Variants in DNAH3 observed in about 807,000 individuals in gnomAD.
DNAH3 encodes the protein axonemal beta dynein heavy chain 3.
A neutral mutation model predicts 432.5 loss-of-function variants in DNAH3; 332 were observed. The observed-to-expected ratio is 0.77, with a 90% CI of 0.70 to 0.84. The LOEUF (loss-of-function observed/expected upper bound fraction) is 0.84. DNAH3 is among the 40% of genes least tolerant of loss of function. DNAH3 has a pLI of 0.00. For synonymous variants in DNAH3, 1,956 were observed against 1,900.2 expected (o/e 1.03, Z -0.76); for missense variants, 4,861 against 5,114.0 (o/e 0.95, Z 1.51).
At chr16:21,066,944 C>A (rs1237239332) in intron 24 of DNAH3, among the ~76,000 whole-genome samples, 1 of 152,172 alleles carries the variant, frequency 6.6e-6, no homozygotes, top group Non-Finnish European at 1.5e-5. Flanking sequence ...TGCTGGAGGC[C>A]TCAAGACCAC....
At chr16:20,936,407 C>T (rs1183940599) in intron 60 of DNAH3, among the ~76,000 whole-genome samples, 1 of 151,778 alleles carries the variant, frequency 6.6e-6, no homozygotes, top group East Asian at 1.9e-4. Context: ...CCGCCTGCCT[C>T]GGCCTCCCAG....
intron 7 of DNAH3, among the ~76,000 whole-genome samples, chr16:21,129,803 G>A (rs1274492701): frequency 6.6e-6 from 1 of 151,884 alleles, no homozygotes; most frequent in Non-Finnish European, 1.5e-5. Context: ...GGGGTAGCGG[G>A]GAGGTTTGTT....
intron 42 of DNAH3, among the ~76,000 whole-genome samples, chr16:21,001,448 T>C (rs560050793): frequency 1.3e-5 from 2 of 152,184 alleles, no homozygotes; most frequent in South Asian, 4.1e-4. Context: ...ATCATGTCAA[T>C]GGTGCCTTCT....
At chr16:21,004,460 C>CG (rs2152694210) in intron 41 of DNAH3, among the ~76,000 whole-genome samples, 1 of 152,156 alleles carries the variant, frequency 6.6e-6, no homozygotes, top group East Asian at 1.9e-4. Flanking sequence ...CTCCGCCTCC[C>CG]GAGTTCAAGC....
intron 53 of DNAH3, among the ~76,000 whole-genome samples, chr16:20,960,484 G>A (rs1187412699): frequency 4.6e-5 from 7 of 152,168 alleles, no homozygotes; most frequent in East Asian, 1.9e-4. Context: ...TCAGGAATTC[G>A]AGACCAGCAT....
At chr16:21,119,459 C>T (rs2092284813) in intron 11 of DNAH3, among the ~76,000 whole-genome samples, 1 of 151,988 alleles carries the variant, frequency 6.6e-6, no homozygotes, top group Admixed American at 6.6e-5. Context: ...TGGCGGAACC[C>T]TGTCTCTACA....
intron 44 of DNAH3, among the ~76,000 whole-genome samples, chr16:20,989,165 C>T (rs2086404518): frequency 6.6e-6 from 1 of 152,212 alleles, no homozygotes. Context: ...GCCCCACCCA[C>T]ATCCTGCTGA....
intron 16 of DNAH3, among the ~76,000 whole-genome samples, chr16:21,099,556 A>G (rs2152794296): frequency 6.6e-6 from 1 of 152,308 alleles, no homozygotes; most frequent in South Asian, 2.1e-4. Flanking sequence ...TGTGAAGTGG[A>G]CAGGGTCTTG....
At chr16:20,964,394 A>G (rs752760804) in exon 53 of DNAH3, 2 of 1,614,156 alleles carry the variant, frequency 1.2e-6, no homozygotes, top group Non-Finnish European at 8.5e-7. Context: ...TCCCTGGAAT[A>G]TTCAATGATG....
chr16:21,121,824 C>G (rs1013834647), intron 10 of DNAH3, 121 bp downstream of exon 11: 2 of 739,162 alleles, frequency 2.7e-6, no homozygotes, highest in East Asian at 2.7e-5. Context: ...CAGGATATAT[C>G]TCCAAAGTGA....
intron 1 of DNAH3, among the ~76,000 whole-genome samples, chr16:21,153,909 C>G (rs544936984): frequency 6.6e-6 from 1 of 152,304 alleles, no homozygotes; most frequent in South Asian, 2.1e-4. Context: ...TTCAAAATAA[C>G]CCTGAGCTTT....
At chr16:21,086,339 G>A (rs1027829061) in intron 19 of DNAH3, among the ~76,000 whole-genome samples, 2 of 152,176 alleles carry the variant, frequency 1.3e-5, no homozygotes, top group Non-Finnish European at 2.9e-5. Context: ...TAGGCCCAAA[G>A]GGCTGAAAGA....
intron 44 of DNAH3, among the ~76,000 whole-genome samples, chr16:20,992,869 G>A (rs1277035572): frequency 6.6e-6 from 1 of 151,978 alleles, no homozygotes; most frequent in Non-Finnish European, 1.5e-5. Flanking sequence ...AGTTTTTGTT[G>A]TTGATTCATT....
At chr16:21,031,194 T>C (rs2088853114) in exon 37 of DNAH3, 1 of 1,614,042 alleles carries the variant, frequency 6.2e-7, no homozygotes, top group Non-Finnish European at 8.5e-7. Context: ...CACTCGTGGC[T>C]CACTTGGTCA....
chr16:20,992,310 T>C (rs1014046453), intron 44 of DNAH3, among the ~76,000 whole-genome samples: 1 of 152,168 alleles, frequency 6.6e-6, no homozygotes, highest in Non-Finnish European at 1.5e-5. Context: ...CATTATCTGG[T>C]ATATCAAGAC....
intron 11 of DNAH3, among the ~76,000 whole-genome samples, chr16:21,119,883 T>C (rs1035002047): frequency 6.7e-6 from 1 of 150,324 alleles, no homozygotes; most frequent in Non-Finnish European, 1.5e-5. Context: ...AGAGACGGGG[T>C]TTCACCATGT....
At chr16:20,972,723 G>A (rs1283836881) in intron 51 of DNAH3, among the ~76,000 whole-genome samples, 1 of 149,388 alleles carries the variant, frequency 6.7e-6, no homozygotes, top group Non-Finnish European at 1.5e-5. Context: ...CTGCCCTTCT[G>A]AGACAATGCC....
intron 57 of DNAH3, among the ~76,000 whole-genome samples, chr16:20,947,044 C>CA (rs2084080678): frequency 6.6e-6 from 1 of 152,028 alleles, no homozygotes; most frequent in African/African-American, 2.4e-5. Context: ...AGGCTGGTCT[C>CA]AAACTCCTGA....
At chr16:21,007,047 C>G (rs2087340631) in intron 41 of DNAH3, among the ~76,000 whole-genome samples, 1 of 152,148 alleles carries the variant, frequency 6.6e-6, no homozygotes, top group African/African-American at 2.4e-5. Flanking sequence ...GATGAGAGTT[C>G]TGATCTTCCT....
Sources: gnomAD v4.1 joint callset for allele counts (sites outside exome capture counted in the v4.1 genomes callset) on GRCh38, gnomAD v4.1.1 for gene constraint, MANE v1.5 for transcripts, NCBI Gene and HGNC (gene_info 2026-07-23, HGNC 2026-07-21) for gene names.